FCHO2: variants seen among roughly 807,000 people sequenced by gnomAD.
The protein encoded by FCHO2 is FCH and mu domain containing endocytic adaptor 2, also known as F-BAR domain only protein 2.
In FCHO2, 43 loss-of-function variants were observed where a neutral mutation model predicts 114.1. The ratio of observed to expected loss-of-function variants is 0.38; its 90% CI spans 0.30 to 0.49. The LOEUF is 0.49. Among genes scored for constraint, FCHO2 ranks in the 20% least tolerant of loss-of-function variants. FCHO2 has a pLI of 0.97. For missense variants in FCHO2, 807 were observed against 950.4 expected (o/e 0.85, Z 1.98); for synonymous variants, 293 against 315.2 (o/e 0.93, Z 0.75).
intron 17 of FCHO2, among the ~76,000 whole-genome samples, chr5:73,061,859 A>C (rs1757867377): frequency 6.6e-6 from 1 of 152,068 alleles, no homozygotes; most frequent in Non-Finnish European, 1.5e-5. Flanking sequence ...ACCTTTGCCT[A>C]ATATTAGATG....
At chr5:73,049,981 C>T (rs1193418767) in intron 11 of FCHO2, among the ~76,000 whole-genome samples, 1 of 152,140 alleles carries the variant, frequency 6.6e-6, no homozygotes, top group Non-Finnish European at 1.5e-5. Flanking sequence ...CCAGCCAATC[C>T]TGCCCATCCA....
At chr5:73,061,555 A>G (rs1317627978) in intron 17 of FCHO2, among the ~76,000 whole-genome samples, 1 of 151,982 alleles carries the variant, frequency 6.6e-6, no homozygotes, top group Non-Finnish European at 1.5e-5. Context: ...TTGAAAATTT[A>G]CTTGAAACCC....
chr5:73,017,411 T>C (rs781357611), intron 8 of FCHO2, 103 bp downstream of exon 8: 1 of 584,438 alleles, frequency 1.7e-6, no homozygotes, highest in Middle Eastern at 2.9e-4. Flanking sequence ...TTTAACTTTA[T>C]ATCACATATC....
At chr5:73,078,872 T>C (rs1743001130) in intron 22 of FCHO2, among the ~76,000 whole-genome samples, 2 of 152,162 alleles carry the variant, frequency 1.3e-5, no homozygotes, top group South Asian at 2.1e-4. Context: ...TTACAAAAAC[T>C]AGTGGAGAAA....
Position 73,049,033 on chromosome 5 carries a change from C to T in FCHO2, c.940-2316C>T, listed in dbSNP as rs531875574. 6.6e-5 allele frequency among the ~76,000 whole-genome samples: 10 copies of T among 151,244 alleles called. No individual in the cohort carries two copies. In the East Asian group the frequency reaches 1.4e-3, roughly 21 times the overall value. On this transcript the variant is annotated intron_variant, in intron 11 of 25. Transcript: ENST00000430046. ...CTGGGACTACAGGCGCCCGCTACCACGCCCGGCTAATTTTTTGTATTTTTA... is the reference window on the plus strand; with the variant it reads ...CTGGGACTACAGGCGCCCGCTACCATGCCCGGCTAATTTTTTGTATTTTTA...
chr5:72,977,955 T>C (rs919134940), intron 2 of FCHO2, among the ~76,000 whole-genome samples: 3 of 152,180 alleles, frequency 2.0e-5, no homozygotes, highest in Non-Finnish European at 4.4e-5. Context: ...TTTTGAGGAC[T>C]CTCTTCTGTT....
At chr5:72,958,010 T>C (rs1751647696) in intron 1 of FCHO2, among the ~76,000 whole-genome samples, 1 of 152,048 alleles carries the variant, frequency 6.6e-6, no homozygotes, top group Non-Finnish European at 1.5e-5. Context: ...ATTTAAAAAT[T>C]GGGTTGTCTT....
chr5:73,022,751 A>G (rs1334532003), intron 8 of FCHO2, among the ~76,000 whole-genome samples: 4 of 152,232 alleles, frequency 2.6e-5, no homozygotes, highest in Non-Finnish European at 4.4e-5. Context: ...TGCATTGGCT[A>G]TTTTAACCTG....
intron 1 of FCHO2, among the ~76,000 whole-genome samples, chr5:72,961,866 C>T (rs904011561): frequency 6.6e-6 from 1 of 152,202 alleles, no homozygotes; most frequent in Non-Finnish European, 1.5e-5. Flanking sequence ...GCTGGGATTA[C>T]AGGCATGAGC....
intron 24 of FCHO2, among the ~76,000 whole-genome samples, chr5:73,083,399 T>TA (rs1475252758): frequency 6.6e-6 from 1 of 152,222 alleles, no homozygotes; most frequent in Non-Finnish European, 1.5e-5. Context: ...CATAACTTTA[T>TA]AAATATTATG....
chr5:72,986,842 A>T (rs758315378), intron 2 of FCHO2, among the ~76,000 whole-genome samples: 1 of 150,808 alleles, frequency 6.6e-6, no homozygotes, highest in Non-Finnish European at 1.5e-5. Flanking sequence ...AGGTAATTTT[A>T]TACAATATTT....
chr5:73,028,055 C>T (rs1756035240), intron 8 of FCHO2, among the ~76,000 whole-genome samples: 1 of 151,948 alleles, frequency 6.6e-6, no homozygotes, highest in Admixed American at 6.6e-5. Context: ...AAAAATTAGG[C>T]GTGGTGTTGT....
At chr5:73,058,625 C>G (rs1757711577) in intron 17 of FCHO2, 101 bp downstream of exon 17, 3 of 501,102 alleles carry the variant, frequency 6.0e-6, no homozygotes. Context: ...ATCAAAATTT[C>G]TAAAAATTTG....
intron 2 of FCHO2, among the ~76,000 whole-genome samples, chr5:72,986,989 C>T (rs1339513926): frequency 6.6e-6 from 1 of 151,554 alleles, no homozygotes; most frequent in Non-Finnish European, 1.5e-5. Context: ...CACCATTCTG[C>T]CTCAGCCTCC....
At chr5:73,001,035 G>A (rs1754405022) in intron 5 of FCHO2, among the ~76,000 whole-genome samples, 1 of 152,116 alleles carries the variant, frequency 6.6e-6, no homozygotes, top group Non-Finnish European at 1.5e-5. Flanking sequence ...TTAGAAAGTT[G>A]TTTTGACTTA....
chr5:72,972,780 A>T lies in FCHO2; in HGVS notation c.125+4191A>T, dbSNP rs1455743889. On this transcript the variant is annotated intron_variant, in intron 2 of 25. Coordinates refer to ENST00000430046, the MANE Select transcript of FCHO2 (RefSeq NM_138782.3). ...AGAGAGGGCATCCCTGTCTTGTGCC[A>T]GTTTTCAAAGGGAATGCTTCCAGTT... is the stretch of plus-strand genomic sequence containing the variant. Among the ~76,000 whole-genome samples, 36 of 152,180 alleles carry T rather than the reference A, an allele frequency of 2.4e-4. No homozygotes were observed. In the South Asian group the frequency reaches 5.2e-3, roughly 22 times the overall value.
At chr5:73,016,357 G>GTTTAAATATTAAAAAAA (rs1561450637) in intron 7 of FCHO2, among the ~76,000 whole-genome samples, 3 of 108,462 alleles carry the variant, frequency 2.8e-5, no homozygotes, top group Non-Finnish European at 6.3e-5. Flanking sequence ...TATTAAAAAA[G>GTTTAAATATTAAAAAAA]ATTTTAAATT....
rs781490686 is a variant in FCHO2 at position 73,054,538 on chromosome 5, G to A, written c.1199G>A (p.Arg400Gln). The change falls in exon 15 of 26, where the codon CGG (arginine) becomes CAG (glutamine). Residue 400 changes from arginine to glutamine, a missense_variant. Physicochemically the swap from Arg to Gln is conservative, Grantham distance 43 (BLOSUM62 1). Transcript: ENST00000430046. The stretch of plus-strand genomic sequence containing the variant: ...TCTCTGTTTTAGGTACAGATGAATC[G>A]GAATTTGTCTAGTAAGTTTGACATT... ...ISRHSPVQMN[R>Q]NLSNEELTKS... 5.2e-5 allele frequency: 80 copies of A among 1,538,364 alleles called. No homozygotes were observed. Among genetic ancestry groups the A allele is most frequent in the Non-Finnish European group, 6.0e-5 (69 of 1,140,786 alleles).
chr5:73,014,301 T>C (rs1755180489), intron 6 of FCHO2, among the ~76,000 whole-genome samples: 1 of 150,870 alleles, frequency 6.6e-6, no homozygotes, highest in African/African-American at 2.4e-5. Flanking sequence ...TTCTTTTTTT[T>C]TTTTTGAGAT....
Sources: gnomAD v4.1 joint callset for allele counts (sites outside exome capture counted in the v4.1 genomes callset) on GRCh38, gnomAD v4.1.1 for gene constraint, MANE v1.5 for transcripts, NCBI Gene and HGNC (gene_info 2026-07-23, HGNC 2026-07-21) for gene names.